Variants in CCSER1 observed in about 807,000 individuals in gnomAD.
CCSER1 encodes the protein serine-rich coiled-coil domain-containing protein 1.
In CCSER1, 41 loss-of-function variants were observed where a neutral mutation model predicts 82.0. The ratio of observed to expected loss-of-function variants is 0.50; its 90% CI spans 0.39 to 0.65. CCSER1 has a LOEUF of 0.65. CCSER1 is among the 30% of genes least tolerant of loss of function. The pLI is 0.00. For synonymous variants in CCSER1, 414 were observed against 383.9 expected (o/e 1.08, Z -0.92); for missense variants, 1,119 against 1,064.2 (o/e 1.05, Z -0.72).
intron 3 of CCSER1, among the ~76,000 whole-genome samples, chr4:90,347,187 A>G (rs562274845): frequency 6.6e-6 from 1 of 152,330 alleles, no homozygotes; most frequent in African/African-American, 2.4e-5. Flanking sequence ...CATAAATAAT[A>G]GGACAGATTT....
At chr4:90,712,732 G>C (rs1196307634) in intron 6 of CCSER1, among the ~76,000 whole-genome samples, 1 of 151,466 alleles carries the variant, frequency 6.6e-6, no homozygotes, top group African/African-American at 2.4e-5. Flanking sequence ...TATTGTTATT[G>C]GGGCATTAAA....
At chr4:90,710,215 A>G (rs1740282893) in intron 6 of CCSER1, among the ~76,000 whole-genome samples, 1 of 152,044 alleles carries the variant, frequency 6.6e-6, no homozygotes, top group Non-Finnish European at 1.5e-5. Flanking sequence ...AGATGGATAG[A>G]TTGCAAAAAG....
At chr4:90,927,456 T>C (rs1447576611) in intron 9 of CCSER1, among the ~76,000 whole-genome samples, 4 of 151,914 alleles carry the variant, frequency 2.6e-5, no homozygotes, top group Non-Finnish European at 5.9e-5. Context: ...TCATTAGGGG[T>C]TTCAATTTGG....
At chr4:91,474,166 A>T (rs1757432653) in intron 10 of CCSER1, among the ~76,000 whole-genome samples, 1 of 151,978 alleles carries the variant, frequency 6.6e-6, no homozygotes, top group Non-Finnish European at 1.5e-5. Context: ...CAGAAGTTAA[A>T]CACTGGGTGG....
chr4:91,141,336 G>C (rs1209217095), intron 10 of CCSER1, among the ~76,000 whole-genome samples: 3 of 152,158 alleles, frequency 2.0e-5, no homozygotes, highest in African/African-American at 7.2e-5. Flanking sequence ...ATTTTTAATA[G>C]AGACTGGTTT....
intron 3 of CCSER1, among the ~76,000 whole-genome samples, chr4:90,346,271 T>C (rs538362198): frequency 6.6e-6 from 1 of 152,178 alleles, no homozygotes; most frequent in East Asian, 1.9e-4. Context: ...CAAAACAATA[T>C]TTAAAATTAT....
chr4:90,670,085 C>G (rs181895308), intron 6 of CCSER1, among the ~76,000 whole-genome samples: 565 of 152,130 alleles, frequency 3.7e-3, no homozygotes, highest in Non-Finnish European at 6.4e-3. Flanking sequence ...CATGTCATGT[C>G]TTAATTTAAG....
intron 1 of CCSER1, among the ~76,000 whole-genome samples, chr4:90,160,901 A>T (rs1322250504): frequency 6.6e-6 from 1 of 152,198 alleles, no homozygotes; most frequent in Non-Finnish European, 1.5e-5. Context: ...TGTATGTCTA[A>T]GTCATCAGCA....
chr4:90,162,147 T>C (rs1354344856), intron 1 of CCSER1, among the ~76,000 whole-genome samples: 1 of 152,134 alleles, frequency 6.6e-6, no homozygotes, highest in African/African-American at 2.4e-5. Flanking sequence ...CTCAGGCTTA[T>C]GTTCTTTTTG....
intron 8 of CCSER1, among the ~76,000 whole-genome samples, chr4:90,898,817 G>C (rs574228932): frequency 1.3e-5 from 2 of 151,522 alleles, no homozygotes; most frequent in African/African-American, 4.8e-5. Flanking sequence ...GTCTGTTTAT[G>C]TATTGGTACC....
chr4:90,618,309 CT>C (rs1211898893), intron 5 of CCSER1, among the ~76,000 whole-genome samples: 1 of 151,856 alleles, frequency 6.6e-6, no homozygotes. Flanking sequence ...CAACAATTTT[CT>C]TTTTAGAAAC....
chr4:90,145,725 T>C (rs953371084), intron 1 of CCSER1, among the ~76,000 whole-genome samples: 5 of 152,184 alleles, frequency 3.3e-5, no homozygotes, highest in African/African-American at 1.2e-4. Flanking sequence ...ATCAAAATTC[T>C]ACTTTTTCTT....
intron 5 of CCSER1, among the ~76,000 whole-genome samples, chr4:90,614,360 A>G (rs2148839017): frequency 6.6e-6 from 1 of 152,280 alleles, no homozygotes; most frequent in East Asian, 1.9e-4. Flanking sequence ...GTTCAAGTGA[A>G]GAGTCACATT....
chr4:90,624,007 G>A (rs571774963), intron 5 of CCSER1, among the ~76,000 whole-genome samples: 1 of 152,232 alleles, frequency 6.6e-6, no homozygotes, highest in Non-Finnish European at 1.5e-5. Flanking sequence ...CCTAAGCTAA[G>A]GTTTTTAAAA....
intron 10 of CCSER1, among the ~76,000 whole-genome samples, chr4:91,300,150 A>T (rs1031227685): frequency 1.3e-5 from 2 of 151,962 alleles, no homozygotes; most frequent in Non-Finnish European, 2.9e-5. Context: ...AATTTCAGGG[A>T]TATCAGGGAG....
At chr4:91,535,470 TA>T (rs1761250171) in intron 10 of CCSER1, among the ~76,000 whole-genome samples, 1 of 128,866 alleles carries the variant, frequency 7.8e-6, no homozygotes, top group South Asian at 2.5e-4. Flanking sequence ...AAATGAAAAA[TA>T]AAAAACAACA....
intron 10 of CCSER1, among the ~76,000 whole-genome samples, chr4:91,102,643 C>A (rs1322265920): frequency 6.6e-6 from 1 of 152,070 alleles, no homozygotes; most frequent in African/African-American, 2.4e-5. Flanking sequence ...AGGCAAAAAA[C>A]AAATGATAAT....
chr4:91,108,914 A>G (rs1025494306), intron 10 of CCSER1, among the ~76,000 whole-genome samples: 4 of 152,156 alleles, frequency 2.6e-5, no homozygotes, highest in Non-Finnish European at 5.9e-5. Flanking sequence ...TGAATAAGGA[A>G]GATCTGCCCT....
chr4:90,305,617 T>G (rs2153476680), intron 1 of CCSER1, among the ~76,000 whole-genome samples: 1 of 152,330 alleles, frequency 6.6e-6, no homozygotes, highest in South Asian at 2.1e-4. Flanking sequence ...TGTTTTAGGT[T>G]TTCTTCAAGC....
Sources: allele counts gnomAD v4.1 joint callset (sites outside exome capture counted in the v4.1 genomes callset), GRCh38; gene constraint gnomAD v4.1.1; transcripts MANE v1.5; gene names NCBI Gene and HGNC (gene_info 2026-07-23, HGNC 2026-07-21).